PTK2: variants seen among roughly 807,000 people sequenced by gnomAD.
The protein encoded by PTK2 is focal adhesion kinase 1.
In PTK2, 45 loss-of-function variants were observed where a neutral mutation model predicts 150.1. The ratio of observed to expected loss-of-function variants is 0.30; its 90% CI spans 0.24 to 0.38. The LOEUF (loss-of-function observed/expected upper bound fraction) is 0.38, where lower values mean the gene tolerates loss of function less well. PTK2 is among the 10% of genes least tolerant of loss of function. PTK2 has a pLI of 1.00. For synonymous variants in PTK2, 432 were observed against 449.2 expected (o/e 0.96, Z 0.48); for missense variants, 919 against 1,307.3 (o/e 0.70, Z 4.58).
At chr8:140,948,151 C>T (rs752285400) in intron 1 of PTK2, among the ~76,000 whole-genome samples, 1 of 152,046 alleles carries the variant, frequency 6.6e-6, no homozygotes, top group Non-Finnish European at 1.5e-5. Context: ...GGAATACCAC[C>T]TTCATGAAAA....
At chr8:140,768,794 T>C (rs901495773) in intron 14 of PTK2, among the ~76,000 whole-genome samples, 1 of 152,186 alleles carries the variant, frequency 6.6e-6, no homozygotes, top group Non-Finnish European at 1.5e-5. Context: ...TGACCTCAAA[T>C]CCTGTGAAAA....
rs75840345 is a variant in PTK2, at chr8:140,759,096, C to G, written c.1332+2069G>C. Among the ~76,000 whole-genome samples, 863 of 152,310 alleles carry G rather than the reference C, an allele frequency of 5.7e-3. 6 individuals are homozygous for G. Among genetic ancestry groups the G allele is most frequent in the African/African-American group, 0.02 (824 of 41,562 alleles). On this transcript the variant is annotated intron_variant, in intron 16 of 31. Transcript: ENST00000522684. Reference sequence around the variant, plus strand: ...GTATACCGTGTAACGTTTGCACGATCATGAAATCGCCTAACGATGCATTTG... The same window carrying G: ...GTATACCGTGTAACGTTTGCACGATGATGAAATCGCCTAACGATGCATTTG...
intron 23 of PTK2, among the ~76,000 whole-genome samples, chr8:140,715,986 T>C (rs946057927): frequency 1.3e-5 from 2 of 152,178 alleles, no homozygotes; most frequent in Non-Finnish European, 2.9e-5. Flanking sequence ...CTGTGAGTTT[T>C]AGGGAAGTGT....
At chr8:140,927,972 A>AT (rs2100170236) in intron 1 of PTK2, among the ~76,000 whole-genome samples, 1,535 of 91,696 alleles carry the variant, frequency 0.017, 4 homozygotes, top group African/African-American at 0.032. Flanking sequence ...AAAAAAAAAA[A>AT]AAAATATATA....
chr8:140,747,856 T>C (rs1452589277), intron 17 of PTK2, among the ~76,000 whole-genome samples: 1 of 151,958 alleles, frequency 6.6e-6, no homozygotes, highest in African/African-American at 2.4e-5. Flanking sequence ...CCTATGGACA[T>C]ATGTGACCTT....
chr8:140,761,818 T>C (rs1348872050), intron 15 of PTK2, among the ~76,000 whole-genome samples: 1 of 152,096 alleles, frequency 6.6e-6, no homozygotes, highest in Non-Finnish European at 1.5e-5. Flanking sequence ...AGGTAGTTTC[T>C]TAAAACTAAT....
intron 2 of PTK2, among the ~76,000 whole-genome samples, chr8:140,913,952 T>G (rs80114683): frequency 0.027 from 4,102 of 152,240 alleles, 78 homozygotes; most frequent in Middle Eastern, 0.054. Context: ...ACCAAAGGTA[T>G]CACCAAATGA....
intron 11 of PTK2, among the ~76,000 whole-genome samples, chr8:140,802,908 G>C (rs144898915): frequency 6.6e-6 from 1 of 151,778 alleles, no homozygotes; most frequent in East Asian, 1.9e-4. Context: ...AAAGAAATCA[G>C]GGAATTAGGC....
chr8:140,941,593 G>A (rs2100175784), intron 1 of PTK2, among the ~76,000 whole-genome samples: 1 of 152,056 alleles, frequency 6.6e-6, no homozygotes, highest in African/African-American at 2.4e-5. Flanking sequence ...TTTCTACTTT[G>A]ATTCCACTCC....
chr8:140,759,012 A>C (rs1338626296), intron 16 of PTK2, among the ~76,000 whole-genome samples: 1 of 152,246 alleles, frequency 6.6e-6, no homozygotes, highest in Non-Finnish European at 1.5e-5. Flanking sequence ...GCCTAGGAGC[A>C]ACAGGCTATA....
At chr8:140,978,055 T>C (rs1258046105) in intron 1 of PTK2, among the ~76,000 whole-genome samples, 7 of 152,194 alleles carry the variant, frequency 4.6e-5, no homozygotes, top group African/African-American at 1.7e-4. Flanking sequence ...TGGCTAGCCA[T>C]ATGTAGAAAG....
In PTK2 at chr8:140,746,687, T is replaced by C. The variant is rs966914323; in HGVS notation, c.1518+73A>G. The C allele has an allele frequency of 3.5e-6, 4 of 1,143,132 alleles. No homozygotes were observed. In the African/African-American group the frequency reaches 4.7e-5, roughly 13 times the overall value. The allele number at this position is 1,143,132 out of a possible 1,614,324, so 70.8% of individuals were successfully genotyped here. A position where few individuals can be genotyped will look rare whatever the true frequency, so the allele number is the denominator to read the frequency against. On this transcript the variant is annotated intron_variant, in intron 18 of 31. Transcript: ENST00000522684. ...TCCTGAAAATCCAAGATATAAACTG[T>C]TTATATTTTCCTTTCTTAAGCAAAA...
chr8:140,707,809 C>T (rs922817798), intron 23 of PTK2, among the ~76,000 whole-genome samples: 3 of 152,116 alleles, frequency 2.0e-5, no homozygotes, highest in African/African-American at 4.8e-5. Context: ...ATATTCTGAG[C>T]CTGAGGGACC....
rs568474384 is a variant in PTK2, at chr8:140,897,075, C to T, written c.-32-6306G>A. The stretch of plus-strand genomic sequence containing the variant: ...CTGCTTCCTGGAAGAAAAGATTACA[C>T]CTCACAAGTCATCAGAAGAAAAGAT... On this transcript the variant is annotated intron_variant, in intron 2 of 31. Transcript: ENST00000522684. 1.1e-3 allele frequency among the ~76,000 whole-genome samples: 161 copies of T among 152,178 alleles called. 1 individual carries two copies. The highest frequency in any genetic ancestry group is 9.9e-4 in the Non-Finnish European group (67 of 68,012).
chr8:140,958,687 C>T (rs961378703), intron 1 of PTK2, among the ~76,000 whole-genome samples: 7 of 152,072 alleles, frequency 4.6e-5, no homozygotes, highest in African/African-American at 1.5e-4. Flanking sequence ...TATCCTTGCC[C>T]CCCAAAATAA....
intron 10 of PTK2, among the ~76,000 whole-genome samples, chr8:140,813,448 C>G (rs1050457677): frequency 6.6e-6 from 1 of 151,132 alleles, no homozygotes; most frequent in African/African-American, 2.4e-5. Context: ...TAAACATTCT[C>G]TCGGAGCACA....
At chr8:140,830,327 T>G (rs2100114637) in intron 8 of PTK2, 145 bp downstream of exon 8, 1 of 590,272 alleles carries the variant, frequency 1.7e-6, no homozygotes, top group Non-Finnish European at 3.0e-6. Context: ...TTAATGTGAC[T>G]AGAATAAATG....
intron 1 of PTK2, among the ~76,000 whole-genome samples, chr8:140,936,810 C>T (rs749152968): frequency 6.6e-5 from 10 of 152,076 alleles, no homozygotes; most frequent in Non-Finnish European, 1.3e-4. Flanking sequence ...ATAAAAATTA[C>T]CATTATCTGC....
chr8:140,697,852 G>GTTTTTTTTTTTTTTTTTTTTTTTTTTT (rs71308981), intron 26 of PTK2, among the ~76,000 whole-genome samples: 1 of 47,968 alleles, frequency 2.1e-5, no homozygotes, highest in Non-Finnish European at 3.5e-5. Flanking sequence ...AGGGTTTACT[G>GTTTTTTTTTTTTTTTTTTTTTTTTTTT]TTTTTTTTTT....
Sources: gnomAD v4.1 joint callset for allele counts (sites outside exome capture counted in the v4.1 genomes callset) on GRCh38, gnomAD v4.1.1 for gene constraint, MANE v1.5 for transcripts, NCBI Gene and HGNC (gene_info 2026-07-23, HGNC 2026-07-21) for gene names.